MX2: variants seen among roughly 807,000 people sequenced by gnomAD.
MX2 encodes the protein MX dynamin like GTPase 2.
Under a neutral mutation model 74.0 loss-of-function variants are expected in MX2, and 51 were observed. The ratio of observed to expected loss-of-function variants is 0.69; its 90% CI spans 0.55 to 0.87. The LOEUF (loss-of-function observed/expected upper bound fraction) is 0.87. Ranked by LOEUF, MX2 falls within the 40% of genes least tolerant of loss-of-function variation. MX2 has a pLI of 0.00. For synonymous variants in MX2, 369 were observed against 339.3 expected, an observed-to-expected ratio of 1.09 and a Z score of -0.96; for missense variants, 832 against 908.7, an observed-to-expected ratio of 0.92 and a Z score of 1.09.
Position 41,380,271 on chromosome 21 carries a change from C to A in MX2, c.577+120C>A. ...CACTCAGCTCCTAGCCCCATGTGCT[C>A]CCACATGGGGCTGAACCCATTGCTG... is the stretch of plus-strand genomic sequence containing the variant. On this transcript the variant is annotated intron_variant, in intron 4 of 13. Transcript: ENST00000330714. The surrounding 1 kb of genome is among the most constrained non-coding windows in gnomAD (Gnocchi z 4.3). The A allele has an allele frequency of 7.5e-7, 1 of 1,341,222 alleles. No homozygotes were observed. Among genetic ancestry groups the A allele is most frequent in the Non-Finnish European group, 1.0e-6 (1 of 974,378 alleles). 83.1% of individuals were successfully genotyped at this position (1,341,222 alleles called of 1,614,324 possible). A position where few individuals can be genotyped will look rare whatever the true frequency, so the allele number is the denominator to read the frequency against.
Position 41,395,739 on chromosome 21 carries a change from G to A in MX2, c.1024G>A (p.Ala342Thr). 1 of 1,614,170 alleles carries A rather than the reference G, an allele frequency of 6.2e-7. No homozygotes were observed. The highest frequency in any genetic ancestry group is 8.5e-7 in the Non-Finnish European group (1 of 1,180,032). The change falls in exon 7 of 14, where the codon GCA (alanine) becomes ACA (threonine). Residue 342 changes from alanine (A) to threonine (T), a missense_variant. Transcript: ENST00000330714. ...CACAAACAGGCTGAGCTTGGCAGAG[G>A]CAACCAAGAAAGAAATTACATTCTT... The part of the protein sequence containing the change: ...EITNRLSLAE[A>T]TKKEITFFQT...
At chr21:41,384,781 G>T (rs905425128) in intron 5 of MX2, among the ~76,000 whole-genome samples, 1 of 151,132 alleles carries the variant, frequency 6.6e-6, no homozygotes, top group African/African-American at 2.4e-5. Context: ...AGAGGTTGCA[G>T]TGAGCCAAGA....
Position 41,368,390 on chromosome 21 carries a change from G to A in MX2, c.-72+6335G>A, listed in dbSNP as rs1034256230. 1.3e-5 allele frequency among the ~76,000 whole-genome samples: 2 copies of A among 152,068 alleles called. No homozygotes were observed. The highest frequency in any genetic ancestry group is 4.8e-5 in the African/African-American group (2 of 41,388). ...TCACCAGGCACACACCAGACAACCC[G>A]AAACCTACATTCCTTACTCAACAGG... On this transcript the variant is annotated intron_variant, in intron 1 of 13. Coordinates refer to ENST00000330714, the MANE Select transcript of MX2 (RefSeq NM_002463.2). The surrounding 1 kb of genome is among the most constrained non-coding windows in gnomAD (Gnocchi z 4.6).
Position 41,362,750 on chromosome 21 carries a change from C to CTTTT in MX2, c.-72+718_-72+721dup, listed in dbSNP as rs56903696. ...GGTATTGATGACGCAGTTTTTTTTTCTTTTTTTTTTTTTTTTTTTTTTTTT... is the reference window on the plus strand; with the variant it reads ...GGTATTGATGACGCAGTTTTTTTTTCTTTTTTTTTTTTTTTTTTTTTTTTTTTTT... On this transcript the variant is annotated intron_variant, in intron 1 of 13. Transcript: ENST00000330714. Among the ~76,000 whole-genome samples, 35 of 82,142 alleles carry CTTTT rather than the reference C, an allele frequency of 4.3e-4. 2 individuals are homozygous for CTTTT. The highest frequency in any genetic ancestry group is 5.1e-4 in the Non-Finnish European group (22 of 43,256). The allele number at this position is 82,142 out of a possible 152,430, so 53.9% of individuals were successfully genotyped here. A position where few individuals can be genotyped will look rare whatever the true frequency, so the allele number is the denominator to read the frequency against.
intron 7 of MX2, among the ~76,000 whole-genome samples, chr21:41,396,519 T>C (rs1194130312): frequency 6.6e-6 from 1 of 152,110 alleles, no homozygotes; most frequent in Admixed American, 6.5e-5. Flanking sequence ...TACGGCTTGC[T>C]GACTATGTGA....
intron 13 of MX2, 61 bp downstream of exon 13, chr21:41,407,059 A>G (rs896421563): frequency 1.3e-6 from 2 of 1,555,696 alleles, no homozygotes; most frequent in Non-Finnish European, 8.7e-7. Context: ...AGTAGGGGCT[A>G]TGCTAACCTA....
intron 6 of MX2, among the ~76,000 whole-genome samples, chr21:41,393,892 C>T (rs1320163357): frequency 6.6e-6 from 1 of 152,182 alleles, no homozygotes; most frequent in African/African-American, 2.4e-5. Flanking sequence ...CCCATCCGCC[C>T]ACCCAGTTCT....
rs750002945 is a variant in MX2, at chr21:41,380,157, C to A, written c.577+6C>A. The A allele has an allele frequency of 1.2e-6, 2 of 1,613,586 alleles. No individual in the cohort carries two copies. Among genetic ancestry groups the A allele is most frequent in the Non-Finnish European group, 1.7e-6 (2 of 1,179,758 alleles). On this transcript the variant is annotated splice_donor_region_variant and intron_variant, in intron 4 of 13. Transcript: ENST00000330714. The surrounding 1 kb of genome is among the most constrained non-coding windows in gnomAD (Gnocchi z 4.3). ...GGAGAAAGAGATACACAAAGGTGGG[C>A]CCACGTCATTCTGAGGTTCGGATCT...
At position 41,364,175 on chromosome 21, in the gene MX2, C is replaced by T. The variant is rs2089242556; in HGVS notation, c.-72+2120C>T. On this transcript the variant is annotated intron_variant, in intron 1 of 13. Coordinates refer to ENST00000330714, the MANE Select transcript of MX2 (RefSeq NM_002463.2). ...CTGGACTCCCTCACCTCAGTGCTGC[C>T]TAAGCTGGGTAACCACCAGCTTCCT... The T allele has an allele frequency of 2.0e-5, 3 of 152,768 alleles. No individual in the cohort carries two copies. In the South Asian group the frequency reaches 6.2e-4, roughly 32 times the overall value. 9.5% of individuals were successfully genotyped at this position (152,768 alleles called of 1,614,324 possible). A position where few individuals can be genotyped will look rare whatever the true frequency, so the allele number is the denominator to read the frequency against.
rs1412616172 is a variant in MX2 at position 41,408,180 on chromosome 21, C to T, written c.2095C>T (p.Leu699Phe). 6.2e-7 allele frequency: 1 copy of T among 1,614,212 alleles called. No individual in the cohort carries two copies. The highest frequency in any genetic ancestry group is 1.1e-5 in the South Asian group (1 of 91,088). The change falls in exon 14 of 14, where the codon CTC becomes TTC. Residue 699 changes from leucine (L) to phenylalanine (F), a missense_variant. Coordinates refer to ENST00000330714, the MANE Select transcript of MX2 (RefSeq NM_002463.2). ...AATCCTTAAGGAGAGAATTTACCGG[C>T]TCACTCAGGCGCGACACGCACTCTG... ...RRILKERIYR[L>F]TQARHALCQF...
intron 5 of MX2, among the ~76,000 whole-genome samples, chr21:41,385,403 C>G (rs934582513): frequency 1.3e-5 from 2 of 152,202 alleles, no homozygotes; most frequent in African/African-American, 4.8e-5. Flanking sequence ...AGGTCTTTCC[C>G]GTGCTGTTCT....
At chr21:41,370,514 T>A (rs1364966744) in intron 1 of MX2, 1 of 152,268 alleles carries the variant, frequency 6.6e-6, no homozygotes, top group African/African-American at 2.4e-5. Flanking sequence ...CCGTGGCAAC[T>A]AAACAGTCTT....
At chr21:41,405,923 C>T (rs1354172915) in intron 12 of MX2, among the ~76,000 whole-genome samples, 2 of 150,884 alleles carry the variant, frequency 1.3e-5, no homozygotes, top group Non-Finnish European at 2.9e-5. Context: ...AAGCTGGTCT[C>T]AAACTCCTGA....
rs1305639291 is a variant in MX2 at position 41,398,982 on chromosome 21, C to A, written c.1235C>A (p.Pro412His). ...EELRRCGADI[P>H]SQEADKMFFL... ...CTGCGGCGTTGCGGGGCTGACATCC[C>A]CAGCCAGGAGGCCGACAAGATGTTC... Residue 412 changes from proline (P) to histidine (H), a missense_variant, in exon 9 of 14, where the codon CCC becomes CAC. Coordinates refer to ENST00000330714, the MANE Select transcript of MX2 (RefSeq NM_002463.2). 6.2e-7 allele frequency: 1 copy of A among 1,613,738 alleles called. No individual in the cohort carries two copies. Among genetic ancestry groups the A allele is most frequent in the Non-Finnish European group, 8.5e-7 (1 of 1,179,800 alleles).
rs76385948 is a variant in MX2, at chr21:41,408,683, T to C, written c.*450T>C. On this transcript the variant is annotated 3_prime_UTR_variant, in exon 14 of 14. Coordinates refer to ENST00000330714, the MANE Select transcript of MX2 (RefSeq NM_002463.2). ...GAACGAATGAGTGCTGTGTAAGTGATGGAGATACCTGAGGCTATTGCTCAA... is the reference window on the plus strand; with the variant it reads ...GAACGAATGAGTGCTGTGTAAGTGACGGAGATACCTGAGGCTATTGCTCAA... 2,906 of 157,802 alleles carry C rather than the reference T, an allele frequency of 0.018. 42 individuals carry two copies. Among genetic ancestry groups the C allele is most frequent in the Non-Finnish European group, 0.03 (2,169 of 71,740 alleles). The allele number at this position is 157,802 out of a possible 1,614,324, so 9.8% of individuals were successfully genotyped here. A position where few individuals can be genotyped will look rare whatever the true frequency, so the allele number is the denominator to read the frequency against.
At chr21:41,362,144 A>G (rs1005945343) in intron 1 of MX2, 89 bp downstream of exon 1, 1 of 152,096 alleles carries the variant, frequency 6.6e-6, no homozygotes, top group Non-Finnish European at 1.5e-5. Flanking sequence ...GTAACGTGAC[A>G]TCTGCTTGGT....
At chr21:41,397,313 A>G (rs73370163) in intron 7 of MX2, among the ~76,000 whole-genome samples, 14,409 of 152,258 alleles carry the variant, frequency 0.095, 2,086 homozygotes, top group African/African-American at 0.31. Flanking sequence ...GATGAGAAAT[A>G]AAATACTAAT....
At position 41,377,831 on chromosome 21, in the gene MX2, C is replaced by T. The variant is rs750379715; in HGVS notation, c.292C>T (p.Arg98Cys). 1.4e-5 allele frequency: 22 copies of T among 1,613,914 alleles called. No homozygotes were observed. Among genetic ancestry groups the T allele is most frequent in the Middle Eastern group, 1.6e-4 (1 of 6,084 alleles). Reference protein sequence around the residue: ...NLYSQYEQKVRPCIDLIDSLR... With the variant: ...NLYSQYEQKVCPCIDLIDSLR... Reference sequence around the variant, plus strand: ...GTACAGCCAGTACGAGCAGAAGGTGCGCCCCTGCATTGACCTCATCGACTC... The same window carrying T: ...GTACAGCCAGTACGAGCAGAAGGTGTGCCCCTGCATTGACCTCATCGACTC... Residue 98 changes from arginine to cysteine, a missense_variant, in exon 3 of 14, where the codon CGC becomes TGC. By Grantham distance (180) the Arg-to-Cys change is radical. Coordinates refer to ENST00000330714, the MANE Select transcript of MX2 (RefSeq NM_002463.2).
At position 41,402,205 on chromosome 21, in the gene MX2, T is replaced by C. The variant is rs1179267126; in HGVS notation, c.1573+77T>C. 8 of 1,507,720 alleles carry C rather than the reference T, an allele frequency of 5.3e-6. No individual in the cohort carries two copies. Among genetic ancestry groups the C allele is most frequent in the Non-Finnish European group, 7.1e-6 (8 of 1,120,636 alleles). The allele number at this position is 1,507,720 out of a possible 1,614,324, so 93.4% of individuals were successfully genotyped here. A position where few individuals can be genotyped will look rare whatever the true frequency, so the allele number is the denominator to read the frequency against. ...GACCCCAGTGCCTTGGAGGGAGAGA[T>C]TGGAATGGAGTTACCAAACCAGCCT... is the stretch of plus-strand genomic sequence containing the variant. On this transcript the variant is annotated intron_variant, in intron 11 of 13. Coordinates refer to ENST00000330714, the MANE Select transcript of MX2 (RefSeq NM_002463.2). This position sits in a 1 kb window ranked among gnomAD's most constrained non-coding sequence, Gnocchi z 4.5.
Sources: gnomAD v4.1 joint callset for allele counts (sites outside exome capture counted in the v4.1 genomes callset) on GRCh38, gnomAD v4.1.1 for gene constraint, Gnocchi (gnomAD v3.1) non-coding constraint, MANE v1.5 for transcripts, NCBI Gene and HGNC (gene_info 2026-07-23, HGNC 2026-07-21) for gene names.